The following NCKAP5 variants were observed in gnomAD, a reference collection of about 807,000 sequenced individuals.
The protein encoded by NCKAP5 is nck-associated protein 5.
In NCKAP5, 92 loss-of-function variants were observed where a neutral mutation model predicts 167.0. That is an observed-to-expected ratio of 0.55 (90% CI 0.47 to 0.66). The LOEUF (loss-of-function observed/expected upper bound fraction) is 0.66. Ranked by LOEUF, NCKAP5 falls within the 30% of genes least tolerant of loss-of-function variation. The probability of loss-of-function intolerance (pLI) is 0.00; values close to 1 mark genes in which losing one functional copy is unlikely to be tolerated. For synonymous variants in NCKAP5, 891 were observed against 877.4 expected, an observed-to-expected ratio of 1.02 and a Z score of -0.27; for missense variants, 2,378 against 2,315.0, an observed-to-expected ratio of 1.03 and a Z score of -0.56.
intron 3 of NCKAP5, 85 bp from the exon 4 acceptor site, chr2:133,303,195 A>G (rs1295552632): frequency 5.9e-5 from 53 of 892,670 alleles, no homozygotes; most frequent in Non-Finnish European, 9.2e-5. Context: ...TACAAGGAGT[A>G]TTTTTGACAA....
intron 8 of NCKAP5, among the ~76,000 whole-genome samples, chr2:132,947,406 T>C (rs1466680062): frequency 2.0e-5 from 3 of 152,206 alleles, no homozygotes; most frequent in Non-Finnish European, 4.4e-5. Flanking sequence ...GAGTCTATCC[T>C]GGGCTTTGTC....
intron 4 of NCKAP5, among the ~76,000 whole-genome samples, chr2:133,293,368 C>A (rs938818388): frequency 2.0e-5 from 3 of 152,064 alleles, no homozygotes; most frequent in African/African-American, 7.2e-5. Context: ...CTAGGCACCC[C>A]CTAATTAGAC....
At chr2:133,111,606 T>G (rs1417282201) in intron 6 of NCKAP5, among the ~76,000 whole-genome samples, 5 of 152,148 alleles carry the variant, frequency 3.3e-5, no homozygotes, top group African/African-American at 1.2e-4. Flanking sequence ...GACCATCACC[T>G]CTCTCATAGC....
At chr2:132,773,915 T>C (rs1682315476) in intron 15 of NCKAP5, 21 bp from the exon 16 acceptor site, 1 of 1,592,570 alleles carries the variant, frequency 6.3e-7, no homozygotes, top group Non-Finnish European at 8.6e-7. Context: ...AAGAAAATGA[T>C]GCAAGTTCTT....
At chr2:133,584,720 A>G in the NCKAP5 span, among the ~76,000 whole-genome samples, 5 of 152,072 alleles carry the variant, frequency 3.3e-5, no homozygotes, top group Admixed American at 3.3e-4. Flanking sequence ...GCCAAGATTG[A>G]GCCACTGTGT....
rs903827449 is a variant in NCKAP5 at position 133,002,101 on chromosome 2, C to G, written c.342-7862G>C. Among the ~76,000 whole-genome samples, 8 of 152,148 alleles carry G rather than the reference C, an allele frequency of 5.3e-5. No individual in the cohort carries two copies. In the East Asian group the frequency reaches 5.8e-4, roughly 11 times the overall value. On this transcript the variant is annotated intron_variant, in intron 6 of 19. Transcript: ENST00000409261. ...GACGAGGGGTCCTGGAATCGATCCCCCATGGAAACTGAGGGATGACTGTTT... is the reference window on the plus strand; with the variant it reads ...GACGAGGGGTCCTGGAATCGATCCCGCATGGAAACTGAGGGATGACTGTTT...
At chr2:133,339,113 A>C (rs1683410315) in intron 3 of NCKAP5, among the ~76,000 whole-genome samples, 1 of 152,238 alleles carries the variant, frequency 6.6e-6, no homozygotes, top group Non-Finnish European at 1.5e-5. Flanking sequence ...AAATCAAAGA[A>C]ATTTCAACAG....
chr2:133,293,614 C>T (rs928855424), intron 4 of NCKAP5, among the ~76,000 whole-genome samples: 1 of 152,186 alleles, frequency 6.6e-6, no homozygotes, highest in Non-Finnish European at 1.5e-5. Context: ...TAAAGTATGA[C>T]CAGCAGTCTA....
intron 11 of NCKAP5, among the ~76,000 whole-genome samples, chr2:132,854,007 C>T (rs985931090): frequency 3.3e-5 from 5 of 152,200 alleles, no homozygotes; most frequent in African/African-American, 9.7e-5. Context: ...CTGTTACAAG[C>T]ATTTCCATTT....
At chr2:133,378,017 T>C (rs1686269739) in intron 3 of NCKAP5, among the ~76,000 whole-genome samples, 1 of 152,184 alleles carries the variant, frequency 6.6e-6, no homozygotes, top group Non-Finnish European at 1.5e-5. Flanking sequence ...AGGTGTGTTA[T>C]ATGAACCACC....
chr2:133,159,787 C>T (rs2083713764), intron 5 of NCKAP5, among the ~76,000 whole-genome samples: 1 of 152,020 alleles, frequency 6.6e-6, no homozygotes. Flanking sequence ...CAGTGACAGG[C>T]ACAAGCAAGT....
intron 8 of NCKAP5, among the ~76,000 whole-genome samples, chr2:132,890,853 G>A (rs2148866891): frequency 6.6e-6 from 1 of 152,250 alleles, no homozygotes; most frequent in Admixed American, 6.5e-5. Context: ...CATCTTGGAG[G>A]CAAATGTTAT....
intron 4 of NCKAP5, among the ~76,000 whole-genome samples, chr2:133,262,886 T>C (rs2088986247): frequency 6.6e-6 from 1 of 152,164 alleles, no homozygotes. Context: ...GGGCCGCTGA[T>C]TAGGGGGTTA....
chr2:132,941,550 A>C (rs1176064553), intron 8 of NCKAP5, among the ~76,000 whole-genome samples: 1 of 152,134 alleles, frequency 6.6e-6, no homozygotes, highest in Non-Finnish European at 1.5e-5. Flanking sequence ...GACCCTTTTT[A>C]CTATCTGGAG....
chr2:132,959,960 C>A (rs1396545987), intron 8 of NCKAP5, among the ~76,000 whole-genome samples: 2 of 152,078 alleles, frequency 1.3e-5, no homozygotes, highest in African/African-American at 4.8e-5. Context: ...CCTATGACAC[C>A]AATATACACC....
At chr2:133,635,624 G>A in the NCKAP5 span, among the ~76,000 whole-genome samples, 1 of 152,116 alleles carries the variant, frequency 6.6e-6, no homozygotes, top group Non-Finnish European at 1.5e-5. Flanking sequence ...GAAACTATAA[G>A]TCCTAACTAA....
At chr2:133,628,030 A>G in the NCKAP5 span, among the ~76,000 whole-genome samples, 4 of 152,190 alleles carry the variant, frequency 2.6e-5, no homozygotes, top group African/African-American at 9.7e-5. Flanking sequence ...ACCCACAACC[A>G]ATATCATACT....
chr2:133,259,261 C>T (rs1268696476), intron 4 of NCKAP5, among the ~76,000 whole-genome samples: 2 of 152,214 alleles, frequency 1.3e-5, no homozygotes, highest in Non-Finnish European at 2.9e-5. Flanking sequence ...CTTCTAATTC[C>T]CAGCTCCACA....
chr2:132,766,581 C>T, intron 16 of NCKAP5, among the ~76,000 whole-genome samples: 1 of 152,130 alleles, frequency 6.6e-6, no homozygotes, highest in Admixed American at 6.6e-5. Flanking sequence ...GGATAACTAC[C>T]ACTAGACATG....
Sources: allele counts gnomAD v4.1 joint callset (sites outside exome capture counted in the v4.1 genomes callset), GRCh38; gene constraint gnomAD v4.1.1; transcripts MANE v1.5; gene names NCBI Gene and HGNC (gene_info 2026-07-23, HGNC 2026-07-21).